SLC5A5: variants seen among roughly 807,000 people sequenced by gnomAD.
SLC5A5 encodes sodium/iodide cotransporter.
In SLC5A5, 56 loss-of-function variants were observed where a neutral mutation model predicts 68.6. The ratio of observed to expected loss-of-function variants is 0.82; its 90% CI spans 0.66 to 1.02. The LOEUF (loss-of-function observed/expected upper bound fraction) is 1.02. SLC5A5 is among the 50% of genes least tolerant of loss of function. The pLI is 0.00. For missense variants in SLC5A5, 807 were observed against 859.8 expected, an observed-to-expected ratio of 0.94 and a Z score of 0.77; for synonymous variants, 398 against 373.0, an observed-to-expected ratio of 1.07 and a Z score of -0.77.
intron 14 of SLC5A5, among the ~76,000 whole-genome samples, chr19:17,893,126 G>T (rs2030261650): frequency 7.1e-6 from 1 of 141,032 alleles, no homozygotes; most frequent in African/African-American, 2.6e-5. Flanking sequence ...TTTGAGATAG[G>T]GACTCACTCT....
rs1044205507 is a variant in SLC5A5 at position 17,884,030 on chromosome 19, T to C, written c.1510T>C (p.Ser504Pro). Residue 504 changes from serine (S) to proline (P), a missense_variant, in exon 12 of 15, where the codon TCC (serine) becomes CCC (proline). Ser to Pro is a moderately conservative substitution (Grantham distance 74). Transcript: ENST00000222248. ...CCCGGCTCTCCTCCCTGCTAACGAC[T>C]CCAGCAGGGCCCCCAGGTGAGCAGA... ...LDPALLPAND[S>P]SRAPSSGMDA... The C allele has an allele frequency of 6.4e-7, 1 of 1,568,458 alleles. No homozygotes were observed. Among genetic ancestry groups the C allele is most frequent in the Non-Finnish European group, 8.6e-7 (1 of 1,159,272 alleles).
chr19:17,893,606 C>T (rs1051040481), intron 14 of SLC5A5, 107 bp from the exon 15 acceptor site: 23 of 1,114,344 alleles, frequency 2.1e-5, no homozygotes, highest in African/African-American at 7.7e-5. Flanking sequence ...ATTCTGTGCA[C>T]GCCCCGTCCC....
In SLC5A5 at chr19:17,883,755, C is replaced by G. The variant is rs764532142; in HGVS notation, c.1317C>G (p.Ala439=). The G allele has an allele frequency of 1.9e-6, 3 of 1,608,768 alleles. No homozygotes were observed. The highest frequency in any genetic ancestry group is 2.5e-6 in the Non-Finnish European group (3 of 1,177,360). The change falls in exon 11 of 15, where the codon GCC becomes GCG. Residue 439 remains alanine (A), a synonymous_variant. Coordinates refer to ENST00000222248, the MANE Select transcript of SLC5A5 (RefSeq NM_000453.3). ...TCATCTTGGGAATGTTCCTGCCGGCCTGCAACACACCGGTGAGTGGGGGCG... is the reference window on the plus strand; with the variant it reads ...TCATCTTGGGAATGTTCCTGCCGGCGTGCAACACACCGGTGAGTGGGGGCG... ...GAFILGMFLP[A]CNTPGVLAGL... is the part of the protein sequence containing the mutation.
Position 17,895,144 on chromosome 19 carries a change from T to G in SLC5A5, c.*1267T>G, listed in dbSNP as rs1216009475. On this transcript the variant is annotated 3_prime_UTR_variant, in exon 15 of 15. Transcript: ENST00000222248. ...GTCAGACTTCTGGCTGCTAGAACTGTCAGAGAATAAATTTCTGTTGTTTGA... is the reference window on the plus strand; with the variant it reads ...GTCAGACTTCTGGCTGCTAGAACTGGCAGAGAATAAATTTCTGTTGTTTGA... The G allele has an allele frequency of 6.7e-6, 1 of 150,264 alleles. No homozygotes were observed. The highest frequency in any genetic ancestry group is 2.4e-5 in the African/African-American group (1 of 40,954). The allele number at this position is 150,264 out of a possible 1,614,324, so 9.3% of individuals were successfully genotyped here.
At position 17,883,924 on chromosome 19, in the gene SLC5A5, C is replaced by T. The variant is rs1297886557; in HGVS notation, c.1404C>T (p.Pro468=). 6 of 1,564,786 alleles carry T rather than the reference C, an allele frequency of 3.8e-6. No homozygotes were observed. Among genetic ancestry groups the T allele is most frequent in the Non-Finnish European group, 5.2e-6 (6 of 1,156,258 alleles). ...CCTTGGGCGCCACGCTGTACCCACCCAGCGAGCAGACCATGAGGGTCCTGC... is the reference window on the plus strand; with the variant it reads ...CCTTGGGCGCCACGCTGTACCCACCTAGCGAGCAGACCATGAGGGTCCTGC... ...WVALGATLYP[P]SEQTMRVLPS... Residue 468 remains proline (P), a synonymous_variant, in exon 12 of 15, where the codon CCC becomes CCT. Coordinates refer to ENST00000222248, the MANE Select transcript of SLC5A5 (RefSeq NM_000453.3).
intron 14 of SLC5A5, among the ~76,000 whole-genome samples, chr19:17,892,948 G>A (rs1003298460): frequency 6.6e-6 from 1 of 151,968 alleles, no homozygotes; most frequent in African/African-American, 2.4e-5. Flanking sequence ...AGCTGCCCTA[G>A]AGAAGTGTTT....
chr19:17,888,214 G>A, intron 12 of SLC5A5, 117 bp from the exon 13 acceptor site: 1 of 1,247,958 alleles, frequency 8.0e-7, no homozygotes. Flanking sequence ...CAGTAATGGA[G>A]GTCTGTGCTA....
chr19:17,884,200 T>G (rs1390030955), intron 12 of SLC5A5, among the ~76,000 whole-genome samples, 154 bp downstream of exon 12: 1 of 152,128 alleles, frequency 6.6e-6, no homozygotes, highest in Non-Finnish European at 1.5e-5. Flanking sequence ...GAGGCCACAA[T>G]CGGGTTAGTC....
Position 17,876,190 on chromosome 19 carries a change from G to A in SLC5A5, c.698+84G>A. 5 of 1,447,296 alleles carry A rather than the reference G, an allele frequency of 3.5e-6. No homozygotes were observed. In the South Asian group the frequency reaches 4.6e-5, roughly 13 times the overall value. 89.7% of individuals were successfully genotyped at this position (1,447,296 alleles called of 1,614,324 possible). ...CATGCCTGTAATCCCAGCACTTTGG[G>A]AGGCCGAGGCGGGCAGATCACTTGA... is the stretch of plus-strand genomic sequence containing the variant. On this transcript the variant is annotated intron_variant, in intron 5 of 14. Transcript: ENST00000222248.
chr19:17,885,141 G>A (rs928848630), intron 12 of SLC5A5, among the ~76,000 whole-genome samples: 2 of 151,278 alleles, frequency 1.3e-5, no homozygotes, highest in African/African-American at 4.9e-5. Flanking sequence ...CTAGTTGCTG[G>A]GACCACAGGT....
rs762300341 is a variant in SLC5A5 at position 17,874,526 on chromosome 19, G to A, written c.456G>A (p.Pro152=). Residue 152 remains proline, a synonymous_variant, in exon 3 of 15, where the codon CCG becomes CCA. Coordinates refer to ENST00000222248, the MANE Select transcript of SLC5A5 (RefSeq NM_000453.3). Reference sequence around the variant, plus strand: ...ACACCGGCATCGTAATCTACGCACCGGCCCTCATCCTGAACCAAGGTGTGA... The same window carrying A: ...ACACCGGCATCGTAATCTACGCACCAGCCCTCATCCTGAACCAAGGTGTGA... ...MLYTGIVIYA[P]ALILNQVTGL... 2.5e-6 allele frequency: 4 copies of A among 1,613,908 alleles called. No individual in the cohort carries two copies. Among genetic ancestry groups the A allele is most frequent in the Middle Eastern group, 1.6e-4 (1 of 6,062 alleles).
In SLC5A5 at chr19:17,878,018, C is replaced by T. The variant is rs1374655107; in HGVS notation, c.894C>T (p.Cys298=). The part of the protein sequence containing the change: ...GLFLIVSSAA[C]CGIVMFVFYT... ...TCCTGATCGTGTCCAGCGCTGCCTG[C>T]TGTGGCATCGTCATGTTTGTGTTCT... Residue 298 remains cysteine, a synonymous_variant, in exon 7 of 15, where the codon TGC becomes TGT. Coordinates refer to ENST00000222248, the MANE Select transcript of SLC5A5 (RefSeq NM_000453.3). 1 of 1,613,314 alleles carries T rather than the reference C, an allele frequency of 6.2e-7. No homozygotes were observed. The highest frequency in any genetic ancestry group is 8.5e-7 in the Non-Finnish European group (1 of 1,179,988).
In SLC5A5 at chr19:17,877,804, C is replaced by T. The variant is rs753527175; in HGVS notation, c.780C>T (p.Gly260=). The T allele has an allele frequency of 1.2e-6, 2 of 1,614,224 alleles. No homozygotes were observed. The highest frequency in any genetic ancestry group is 1.7e-6 in the Non-Finnish European group (2 of 1,180,044). The change falls in exon 6 of 15, where the codon GGC becomes GGT. Residue 260 remains glycine, a synonymous_variant. Coordinates refer to ENST00000222248, the MANE Select transcript of SLC5A5 (RefSeq NM_000453.3). ...CGTTGGTGTGGCTCTCCATGTATGG[C>T]GTGAACCAGGCGCAGGTGCAGCGCT... ...GGTLVWLSMY[G]VNQAQVQRYV...
Position 17,894,127 on chromosome 19 carries a change from G to A in SLC5A5, c.*250G>A. 2.0e-6 allele frequency: 1 copy of A among 488,442 alleles called. No homozygotes were observed. The highest frequency in any genetic ancestry group is 3.6e-6 in the Non-Finnish European group (1 of 274,192). The allele number at this position is 488,442 out of a possible 1,614,324, so 30.3% of individuals were successfully genotyped here. ...CTGACGGCTCCCCCCAAATAAGGCT[G>A]GGTTTTTCTCTCTCTCTTTTTTTTT... On this transcript the variant is annotated 3_prime_UTR_variant, in exon 15 of 15. Transcript: ENST00000222248.
Position 17,874,250 on chromosome 19 carries a change from A to G in SLC5A5, c.423+47A>G, listed in dbSNP as rs1412024046. The G allele has an allele frequency of 2.3e-6, 3 of 1,322,418 alleles. No homozygotes were observed. In the East Asian group the frequency reaches 6.9e-5, roughly 30 times the overall value. The allele number at this position is 1,322,418 out of a possible 1,614,324, so 81.9% of individuals were successfully genotyped here. On this transcript the variant is annotated intron_variant, in intron 2 of 14. Coordinates refer to ENST00000222248, the MANE Select transcript of SLC5A5 (RefSeq NM_000453.3). ...CTCCGCTCAGGGCCCCGAGAGCGTC[A>G]GCCTTCACTAGCCCGGCCCCCACCA... is the stretch of plus-strand genomic sequence containing the variant.
rs200597118 is a variant in SLC5A5 at position 17,874,151 on chromosome 19, G to A, written c.371G>A (p.Arg124His). The A allele has an allele frequency of 3.1e-5, 50 of 1,612,316 alleles. No homozygotes were observed. In the African/African-American group the frequency reaches 6.0e-4, roughly 19 times the overall value. The change falls in exon 2 of 15, where the codon CGC (arginine) becomes CAC (histidine). Residue 124 changes from arginine (R) to histidine (H), a missense_variant. Arg to His is a conservative substitution (Grantham distance 29, BLOSUM62 0). Transcript: ENST00000222248. ...CCCTCCTTGCAGTACCTGGAGATGC[G>A]CTTCAGCCGCGCAGTGCGGCTCTGC... ...LTSTYEYLEM[R>H]FSRAVRLCGT...
rs1464024954 is a variant in SLC5A5 at position 17,890,963 on chromosome 19, A to G, written c.1729A>G (p.Lys577Glu). 6.2e-7 allele frequency: 1 copy of G among 1,613,804 alleles called. No individual in the cohort carries two copies. Among genetic ancestry groups the G allele is most frequent in the East Asian group, 2.2e-5 (1 of 44,866 alleles). The change falls in exon 14 of 15, where the codon AAG (lysine) becomes GAG (glutamate). Residue 577 changes from lysine (K) to glutamate (E), a missense_variant. Coordinates refer to ENST00000222248, the MANE Select transcript of SLC5A5 (RefSeq NM_000453.3). ...LARQTASVAP[K>E]EEVAILDDNL... ...ACGGCAGACAGCATCAGTGGCCCCC[A>G]AGGAAGAAGTGGCCATCCTGGATGA...
chr19:17,881,878 G>A, intron 8 of SLC5A5, 82 bp from the exon 9 acceptor site: 4 of 1,070,360 alleles, frequency 3.7e-6, no homozygotes, highest in East Asian at 4.8e-5. Flanking sequence ...TTGCCCTCAG[G>A]CTGGGTGAGG....
intron 4 of SLC5A5, among the ~76,000 whole-genome samples, chr19:17,875,064 C>T (rs2094303567): frequency 6.6e-6 from 1 of 151,996 alleles, no homozygotes; most frequent in Non-Finnish European, 1.5e-5. Context: ...ATATTATCAT[C>T]GTAGTGATAA....
Sources: gnomAD v4.1 joint callset for allele counts (sites outside exome capture counted in the v4.1 genomes callset) on GRCh38, gnomAD v4.1.1 for gene constraint, MANE v1.5 for transcripts, NCBI Gene and HGNC (gene_info 2026-07-23, HGNC 2026-07-21) for gene names.